The following TMEM164 variants were observed in gnomAD, a reference collection of about 807,000 sequenced individuals.
The protein encoded by TMEM164 is RP13-360B22.2.
In TMEM164, 4 loss-of-function variants were observed where a neutral mutation model predicts 18.8. The observed-to-expected ratio is 0.21, with a 90% CI of 0.10 to 0.49. TMEM164 has a LOEUF of 0.49. Ranked by LOEUF, TMEM164 falls within the 20% of genes least tolerant of loss-of-function variation. The pLI is 0.98. For missense variants in TMEM164, 108 were observed against 239.9 expected, an observed-to-expected ratio of 0.45 and a Z score of 3.63; for synonymous variants, 86 against 101.7, an observed-to-expected ratio of 0.85 and a Z score of 0.93.
At chrX:110,168,243 A>G (rs1159521645) in intron 5 of TMEM164, among the ~76,000 whole-genome samples, 1 of 113,092 alleles carries the variant, frequency 8.8e-6, no homozygotes, top group Admixed American at 9.2e-5. Context: ...GTCCACACTC[A>G]TTCAGCAGAC....
chrX:110,107,694 C>G (rs2066226792), intron 3 of TMEM164, among the ~76,000 whole-genome samples: 1 of 96,507 alleles, frequency 1.0e-5, no homozygotes, highest in African/African-American at 3.7e-5. Context: ...AAGTCTTGCT[C>G]TGTCGCCCAG....
At chrX:110,152,564 A>C (rs2066958646) in intron 5 of TMEM164, among the ~76,000 whole-genome samples, 1 of 111,684 alleles carries the variant, frequency 9.0e-6, no homozygotes, top group Non-Finnish European at 1.9e-5. Flanking sequence ...TAAAGATCCA[A>C]CTTTATTTCC....
At position 110,055,178 on chromosome X, in the gene TMEM164, G is replaced by T. The variant is rs985402314; in HGVS notation, c.391-12169G>T. The stretch of plus-strand genomic sequence containing the variant: ...TCAATTCCATGCAAATGCTGTTTGT[G>T]TGCTATGGCCATGCTATTCTCTTGA... On this transcript the variant is annotated intron_variant, in intron 2 of 6. Coordinates refer to ENST00000372068, the MANE Select transcript of TMEM164 (RefSeq NM_032227.4). Among the ~76,000 whole-genome samples, 29 of 111,251 alleles carry T rather than the reference G, an allele frequency of 2.6e-4. 1 individual carries two copies. Among genetic ancestry groups the T allele is most frequent in the East Asian group, 1.7e-3 (6 of 3,533 alleles).
At chrX:110,039,628 G>A (rs759644919) in intron 2 of TMEM164, among the ~76,000 whole-genome samples, 41 of 111,935 alleles carry the variant, frequency 3.7e-4, no homozygotes, top group Non-Finnish European at 7.0e-4. Flanking sequence ...GCGGGGGATG[G>A]ATATTGTTTT....
intron 2 of TMEM164, among the ~76,000 whole-genome samples, chrX:110,050,318 C>G (rs1243174861): frequency 8.9e-6 from 1 of 111,800 alleles, no homozygotes; most frequent in Non-Finnish European, 1.9e-5. Flanking sequence ...ACGATACAAC[C>G]CTTCCTGGAG....
At chrX:110,168,095 TG>T (rs1271548603) in intron 5 of TMEM164, among the ~76,000 whole-genome samples, 1 of 111,812 alleles carries the variant, frequency 8.9e-6, no homozygotes, top group Non-Finnish European at 1.9e-5. Context: ...GCAGAGAGGA[TG>T]GAGGGAGGGG....
chrX:110,163,026 G>T (rs1157373957), intron 5 of TMEM164, among the ~76,000 whole-genome samples: 2 of 112,250 alleles, frequency 1.8e-5, no homozygotes, highest in East Asian at 5.6e-4. Context: ...TTCGTTTATT[G>T]CAACAGCCAC....
chrX:110,088,552 G>A (rs2065884634), intron 3 of TMEM164, among the ~76,000 whole-genome samples: 1 of 111,907 alleles, frequency 8.9e-6, no homozygotes, highest in African/African-American at 3.2e-5. Flanking sequence ...AGCGATTCAG[G>A]GAGACCAGTT....
At chrX:110,160,376 A>T (rs980407262) in intron 5 of TMEM164, among the ~76,000 whole-genome samples, 2 of 112,053 alleles carry the variant, frequency 1.8e-5, no homozygotes, top group African/African-American at 6.5e-5. Context: ...CCATCTCAGG[A>T]TAGTGTTTAT....
chrX:110,097,836 G>A (rs2066046105), intron 3 of TMEM164, among the ~76,000 whole-genome samples: 1 of 112,191 alleles, frequency 8.9e-6, no homozygotes, highest in Non-Finnish European at 1.9e-5. Flanking sequence ...TCAGAATCCT[G>A]GATCACTTAT....
intron 5 of TMEM164, among the ~76,000 whole-genome samples, chrX:110,162,869 C>T (rs541934586): frequency 5.4e-5 from 6 of 112,075 alleles, no homozygotes; most frequent in African/African-American, 1.9e-4. Flanking sequence ...GTTATCCAGG[C>T]CAAAAATCTA....
At chrX:110,181,944 C>T (rs555784976), downstream of TMEM164, among the ~76,000 whole-genome samples, 2 of 111,769 alleles carry the variant, frequency 1.8e-5, no homozygotes, top group African/African-American at 3.3e-5. Context: ...TGTGTGGTTG[C>T]GGTCTGTGGT....
intron 3 of TMEM164, among the ~76,000 whole-genome samples, chrX:110,107,825 A>G (rs944412591): frequency 1.0e-4 from 11 of 109,333 alleles, no homozygotes; most frequent in Admixed American, 8.8e-4. Flanking sequence ...ATGCCTGGCT[A>G]ATTTTTGTAT....
chrX:110,148,810 G>A (rs985679315), intron 5 of TMEM164, among the ~76,000 whole-genome samples: 1 of 108,688 alleles, frequency 9.2e-6, no homozygotes, highest in Non-Finnish European at 1.9e-5. Flanking sequence ...ACAGGCATGA[G>A]CCACTGTACC....
At chrX:110,075,886 T>C (rs774416377) in intron 3 of TMEM164, among the ~76,000 whole-genome samples, 1 of 111,404 alleles carries the variant, frequency 9.0e-6, no homozygotes, top group African/African-American at 3.3e-5. Flanking sequence ...GATTTTTGCT[T>C]CTATGTTCAT....
intron 5 of TMEM164, among the ~76,000 whole-genome samples, chrX:110,146,785 A>G (rs1195746820): frequency 8.9e-6 from 1 of 112,023 alleles, no homozygotes; most frequent in Non-Finnish European, 1.9e-5. Flanking sequence ...ATTGAGAGAA[A>G]CATCTGGATT....
chrX:110,058,041 G>GT, intron 2 of TMEM164, among the ~76,000 whole-genome samples: 1 of 111,585 alleles, frequency 9.0e-6, no homozygotes, highest in Admixed American at 9.5e-5. Flanking sequence ...ATTTCAAGAA[G>GT]TTTTTCCTAT....
At chrX:110,118,753 A>G (rs1406439871) in intron 4 of TMEM164, among the ~76,000 whole-genome samples, 1 of 111,199 alleles carries the variant, frequency 9.0e-6, no homozygotes, top group East Asian at 2.8e-4. Flanking sequence ...CCGAAGAACC[A>G]AGCAGTAGAT....
chrX:110,150,140 C>T (rs1290664572), intron 5 of TMEM164, among the ~76,000 whole-genome samples: 2 of 112,245 alleles, frequency 1.8e-5, no homozygotes, highest in South Asian at 3.7e-4. Context: ...GAACTTAGAA[C>T]AAAACAAGCT....
Sources: allele counts gnomAD v4.1 joint callset (sites outside exome capture counted in the v4.1 genomes callset), GRCh38; gene constraint gnomAD v4.1.1; transcripts MANE v1.5; gene names NCBI Gene and HGNC (gene_info 2026-07-23, HGNC 2026-07-21).